SLC6A11: variants seen among roughly 807,000 people sequenced by gnomAD.
The protein encoded by SLC6A11 is solute carrier family 6 member 11, also known as sodium- and chloride-dependent GABA transporter 3.
SLC6A11 carries 25 observed loss-of-function variants against 74.8 expected under a neutral mutation model. That is an observed-to-expected ratio of 0.33 (90% CI 0.24 to 0.47). The LOEUF (loss-of-function observed/expected upper bound fraction) is 0.47. Among genes scored for constraint, SLC6A11 ranks in the 20% least tolerant of loss-of-function variants. SLC6A11 has a pLI of 1.00. For missense variants in SLC6A11, 574 were observed against 837.0 expected (o/e 0.69, Z 3.88); for synonymous variants, 330 against 330.2 (o/e 1.00, Z 0.01).
chr3:10,873,400 CTATCCTA>C (rs1694852631), intron 5 of SLC6A11, among the ~76,000 whole-genome samples: 1 of 14,250 alleles, frequency 7.0e-5, no homozygotes, highest in African/African-American at 2.5e-4. Context: ...CTATCCTATG[CTATCCTA>C]TCCTATCCTA....
intron 4 of SLC6A11, among the ~76,000 whole-genome samples, chr3:10,829,402 G>C (rs1046316592): frequency 2.0e-5 from 3 of 152,200 alleles, no homozygotes; most frequent in Non-Finnish European, 2.9e-5. Context: ...CAGTTGCTCT[G>C]TTTGCCTACA....
At position 10,935,188 on chromosome 3, in the gene SLC6A11, A is replaced by T; in HGVS notation, c.1735A>T (p.Thr579Ser). 1 of 1,614,084 alleles carries T rather than the reference A, an allele frequency of 6.2e-7. No homozygotes were observed. Among genetic ancestry groups the T allele is most frequent in the South Asian group, 1.1e-5 (1 of 91,062 alleles). ...ICITVWKTEG[T>S]LPEKLQKLTT... ...CATCACAGTGTGGAAGACGGAGGGGACACTGCCCGAGGTGAGACCGCCCCA... is the reference window on the plus strand; with the variant it reads ...CATCACAGTGTGGAAGACGGAGGGGTCACTGCCCGAGGTGAGACCGCCCCA... Residue 579 changes from threonine (T) to serine (S), a missense_variant, in exon 13 of 14, where the codon ACA becomes TCA. This residue lies in a region of SLC6A11 where 257 missense variants were observed against 341.5 expected (regional missense o/e 0.75). Coordinates refer to ENST00000254488, the MANE Select transcript of SLC6A11 (RefSeq NM_014229.3).
intron 5 of SLC6A11, among the ~76,000 whole-genome samples, chr3:10,854,826 T>C (rs1264254404): frequency 6.6e-6 from 1 of 152,224 alleles, no homozygotes; most frequent in Non-Finnish European, 1.5e-5. Context: ...ATAACTTTAC[T>C]GTATGTTTAT....
chr3:10,933,710 C>T (rs1260179455), intron 11 of SLC6A11, among the ~76,000 whole-genome samples: 1 of 152,138 alleles, frequency 6.6e-6, no homozygotes, highest in Non-Finnish European at 1.5e-5. Context: ...GATGCCTCTG[C>T]AGGCCCCTGC....
At chr3:10,876,812 A>G (rs957659996) in intron 6 of SLC6A11, among the ~76,000 whole-genome samples, 1 of 144,408 alleles carries the variant, frequency 6.9e-6, no homozygotes, top group Non-Finnish European at 1.5e-5. Flanking sequence ...GAGAACTAAC[A>G]CAGAGGTGAG....
At chr3:10,819,680 C>T (rs901067862) in intron 2 of SLC6A11, 32 bp from the exon 3 acceptor site, 8 of 1,611,726 alleles carry the variant, frequency 5.0e-6, no homozygotes, top group Non-Finnish European at 6.8e-6. Flanking sequence ...AAAAGATAGA[C>T]TCAAATTCCT....
At chr3:10,836,112 A>G (rs1023431412) in intron 4 of SLC6A11, among the ~76,000 whole-genome samples, 1 of 152,214 alleles carries the variant, frequency 6.6e-6, no homozygotes, top group Non-Finnish European at 1.5e-5. Flanking sequence ...ATGGAACCAT[A>G]CAACTTATGG....
chr3:10,880,017 A>G (rs1559569494), intron 6 of SLC6A11, among the ~76,000 whole-genome samples: 1 of 152,198 alleles, frequency 6.6e-6, no homozygotes, highest in East Asian at 1.9e-4. Flanking sequence ...AAGCATGGAC[A>G]TGACAAATGT....
intron 5 of SLC6A11, among the ~76,000 whole-genome samples, chr3:10,846,913 G>A (rs1439993805): frequency 6.6e-6 from 1 of 152,220 alleles, no homozygotes; most frequent in Non-Finnish European, 1.5e-5. Flanking sequence ...CGATTAAGAT[G>A]TAGAACATTG....
At chr3:10,871,935 C>G (rs914471381) in intron 5 of SLC6A11, among the ~76,000 whole-genome samples, 1 of 152,176 alleles carries the variant, frequency 6.6e-6, no homozygotes, top group African/African-American at 2.4e-5. Context: ...ATAGTCCAGC[C>G]TTTCAGGTTA....
chr3:10,898,890 A>G (rs912362226), intron 6 of SLC6A11, among the ~76,000 whole-genome samples: 13 of 152,226 alleles, frequency 8.5e-5, no homozygotes, highest in Admixed American at 1.3e-4. Flanking sequence ...TTTACAAAAG[A>G]AAGAGGTTTA....
intron 7 of SLC6A11, among the ~76,000 whole-genome samples, chr3:10,913,672 T>TA (rs1211595195): frequency 6.6e-6 from 1 of 152,054 alleles, no homozygotes; most frequent in Non-Finnish European, 1.5e-5. Context: ...AAAACACCAG[T>TA]AAAAAAACAA....
At position 10,895,102 on chromosome 3, in the gene SLC6A11, G is replaced by A. The variant is rs1218031233; in HGVS notation, c.892-16988G>A. The stretch of plus-strand genomic sequence containing the variant: ...CCTATGGTGTTGTTGTGAGAACTCA[G>A]GGAGATGAACAGCCTGGAAGTGCCC... On this transcript the variant is annotated intron_variant, in intron 6 of 13. Transcript: ENST00000254488. Among the ~76,000 whole-genome samples, 4 of 152,162 alleles carry A rather than the reference G, an allele frequency of 2.6e-5. 1 individual carries two copies. The highest frequency in any genetic ancestry group is 1.3e-4 in the Admixed American group (2 of 15,278).
chr3:10,888,074 C>T (rs906182174), intron 6 of SLC6A11, among the ~76,000 whole-genome samples: 1 of 152,206 alleles, frequency 6.6e-6, no homozygotes, highest in African/African-American at 2.4e-5. Flanking sequence ...GAGAGAGGCT[C>T]AGCAAAGCTC....
intron 4 of SLC6A11, among the ~76,000 whole-genome samples, chr3:10,831,359 TAG>T (rs1694294582): frequency 1.1e-5 from 1 of 93,024 alleles, no homozygotes; most frequent in African/African-American, 8.4e-5. Context: ...ATGTGATAGT[TAG>T]AAAGGACATG....
intron 5 of SLC6A11, among the ~76,000 whole-genome samples, chr3:10,874,101 C>T (rs1175249537): frequency 1.3e-5 from 2 of 152,164 alleles, no homozygotes; most frequent in Non-Finnish European, 2.9e-5. Context: ...ACTTAACTTT[C>T]AGTAAGAGCT....
At chr3:10,935,370 C>G in intron 13 of SLC6A11, 171 bp downstream of exon 13, 1 of 613,006 alleles carries the variant, frequency 1.6e-6, no homozygotes, top group African/African-American at 1.9e-5. Context: ...CCCAAGGTGT[C>G]TCTGTGAAGT....
chr3:10,819,339 T>A, intron 1 of SLC6A11, 126 bp from the exon 2 acceptor site: 1 of 942,692 alleles, frequency 1.1e-6, no homozygotes, highest in Non-Finnish European at 1.6e-6. Flanking sequence ...GTCTTCATAA[T>A]GGGAACTTGA....
At chr3:10,896,795 G>T (rs532566931) in intron 6 of SLC6A11, among the ~76,000 whole-genome samples, 2 of 152,132 alleles carry the variant, frequency 1.3e-5, no homozygotes, top group Admixed American at 1.3e-4. Flanking sequence ...AATGGTGAGG[G>T]GGCATAGACC....
Sources: gnomAD v4.1 joint callset for allele counts (sites outside exome capture counted in the v4.1 genomes callset) on GRCh38, gnomAD v4.1.1 for gene constraint, gnomAD v4.1.1 regional missense constraint, MANE v1.5 for transcripts, NCBI Gene and HGNC (gene_info 2026-07-23, HGNC 2026-07-21) for gene names.